GPM6A: variants seen among roughly 807,000 people sequenced by gnomAD.
GPM6A encodes glycoprotein M6A, also known as neuronal membrane glycoprotein M6-a.
GPM6A carries 7 observed loss-of-function variants against 32.1 expected under a neutral mutation model. That is an observed-to-expected ratio of 0.22 (90% CI 0.12 to 0.41). GPM6A has a LOEUF of 0.41. GPM6A is among the 10% of genes least tolerant of loss of function. GPM6A has a pLI of 1.00. For missense variants in GPM6A, 235 were observed against 347.2 expected, an observed-to-expected ratio of 0.68 and a Z score of 2.57; for synonymous variants, 130 against 123.4, an observed-to-expected ratio of 1.05 and a Z score of -0.35.
chr4:175,742,566 A>G (rs1257642923), intron 1 of GPM6A, among the ~76,000 whole-genome samples: 1 of 152,196 alleles, frequency 6.6e-6, no homozygotes, highest in Non-Finnish European at 1.5e-5. Flanking sequence ...ACAGAAGTAC[A>G]CATCAGAAAA....
chr4:175,977,356 CT>C (rs1740693259), intron 1 of GPM6A, among the ~76,000 whole-genome samples: 1 of 152,120 alleles, frequency 6.6e-6, no homozygotes, highest in African/African-American at 2.4e-5. Flanking sequence ...TGTCAGCATG[CT>C]GACAAATACT....
rs1301037690 is a variant in GPM6A, at chr4:175,810,192, G to A, written c.37+1999C>T. ...CAGTAATTTCACAGTTACAACCCAC[G>A]CACATATCGACAGAGCATTTCGATT... On this transcript the variant is annotated intron_variant, in intron 1 of 6. Coordinates refer to ENST00000393658, the MANE Select transcript of GPM6A (RefSeq NM_201591.3). 5.3e-5 allele frequency among the ~76,000 whole-genome samples: 8 copies of A among 152,138 alleles called. No individual in the cohort carries two copies. The South Asian group carries it at 6.2e-4, about 12-fold the overall frequency.
At chr4:175,821,865 C>T (rs1406750918) in intron 1 of GPM6A, among the ~76,000 whole-genome samples, 1 of 152,006 alleles carries the variant, frequency 6.6e-6, no homozygotes, top group Non-Finnish European at 1.5e-5. Flanking sequence ...TGTAGAAATT[C>T]ACATATTTGA....
intron 1 of GPM6A, among the ~76,000 whole-genome samples, chr4:175,870,583 A>T (rs1298922748): frequency 1.3e-5 from 2 of 152,204 alleles, no homozygotes; most frequent in Non-Finnish European, 2.9e-5. Flanking sequence ...ATGGACTGCT[A>T]TCTAGAACCC....
At chr4:175,667,930 T>C (rs1475687284) in intron 3 of GPM6A, among the ~76,000 whole-genome samples, 1 of 152,160 alleles carries the variant, frequency 6.6e-6, no homozygotes, top group Admixed American at 6.5e-5. Flanking sequence ...TTTATTTTAA[T>C]TGAATTTCAG....
intron 1 of GPM6A, among the ~76,000 whole-genome samples, chr4:175,955,961 C>A (rs1167244549): frequency 6.6e-6 from 1 of 152,136 alleles, no homozygotes; most frequent in Non-Finnish European, 1.5e-5. Flanking sequence ...AATAGTTACA[C>A]CTTGAAAATA....
intron 1 of GPM6A, among the ~76,000 whole-genome samples, chr4:175,791,642 T>A (rs1408566610): frequency 6.6e-6 from 1 of 152,150 alleles, no homozygotes; most frequent in African/African-American, 2.4e-5. Flanking sequence ...AATTTTCTCT[T>A]ACTTAATAGA....
At chr4:175,649,184 C>A (rs768331957) in intron 4 of GPM6A, among the ~76,000 whole-genome samples, 20 of 152,130 alleles carry the variant, frequency 1.3e-4, no homozygotes, top group Admixed American at 2.6e-4. Context: ...TCTTTTAGAC[C>A]AGACAGCTGG....
chr4:175,836,036 G>A (rs760615575), intron 1 of GPM6A, among the ~76,000 whole-genome samples: 4 of 152,034 alleles, frequency 2.6e-5, no homozygotes, highest in African/African-American at 4.8e-5. Flanking sequence ...ATAGGGGGCT[G>A]AGAAATGTGG....
chr4:175,894,633 C>T (rs1214302070), intron 1 of GPM6A, among the ~76,000 whole-genome samples: 2 of 152,186 alleles, frequency 1.3e-5, no homozygotes, highest in Non-Finnish European at 2.9e-5. Flanking sequence ...GTAACCTGCA[C>T]AAACAACAAG....
Position 175,932,928 on chromosome 4 carries a change from A to G in GPM6A, c.-23+69381T>C, listed in dbSNP as rs1739098257. ...TAAAGAAAAAATAGATGAGACCTAC[A>G]TGAAATAAACAAGAGGGAGGACTTA... On this transcript the variant is annotated intron_variant, in intron 1 of 7. Coordinates refer to the GPM6A transcript ENST00000280187. Among the ~76,000 whole-genome samples, 4 of 152,164 alleles carry G rather than the reference A, an allele frequency of 2.6e-5. No individual in the cohort carries two copies. The South Asian group carries it at 6.2e-4, about 24-fold the overall frequency.
At chr4:175,822,651 C>CTTTT (rs11446115) in intron 1 of GPM6A, among the ~76,000 whole-genome samples, 2 of 148,106 alleles carry the variant, frequency 1.4e-5, no homozygotes, top group Non-Finnish European at 3.0e-5. Flanking sequence ...TCTTTTCATG[C>CTTTT]TTTTTTTTTT....
intron 1 of GPM6A, among the ~76,000 whole-genome samples, chr4:175,873,667 T>C (rs962812188): frequency 9.9e-5 from 15 of 152,154 alleles, no homozygotes; most frequent in Non-Finnish European, 2.1e-4. Flanking sequence ...AAAACTTTGT[T>C]CTCCCATTAT....
At chr4:175,683,834 ACTT>A (rs1743819491) in intron 2 of GPM6A, among the ~76,000 whole-genome samples, 1 of 150,758 alleles carries the variant, frequency 6.6e-6, no homozygotes, top group African/African-American at 2.4e-5. Context: ...ATATACATAT[ACTT>A]TTTTTTTTTT....
rs374481626 is a variant in GPM6A at position 175,658,246 on chromosome 4, A to G, written c.388-6259T>C. ...GGTATATTAATCAGCACTAAAAAGA[A>G]ATGAGCTATCAAGCTATGAAAAGAC... On this transcript the variant is annotated intron_variant, in intron 3 of 6. Transcript: ENST00000393658. Among the ~76,000 whole-genome samples the G allele has an allele frequency of 2.3e-4, 35 of 152,274 alleles. 2 individuals are homozygous for G. The East Asian group carries it at 2.3e-3, about 10-fold the overall frequency.
At chr4:175,936,178 C>T (rs1490872973) in intron 1 of GPM6A, among the ~76,000 whole-genome samples, 7 of 150,398 alleles carry the variant, frequency 4.7e-5, no homozygotes, top group Non-Finnish European at 5.9e-5. Context: ...TGGTGGCGGG[C>T]GCCTGTAGTT....
chr4:176,001,036 C>CTG (rs1433320954), intron 1 of GPM6A, among the ~76,000 whole-genome samples: 2 of 152,176 alleles, frequency 1.3e-5, no homozygotes, highest in Non-Finnish European at 2.9e-5. Context: ...CTATGAAAGT[C>CTG]TTGATCACAG....
intron 1 of GPM6A, among the ~76,000 whole-genome samples, chr4:175,914,235 T>C (rs946790910): frequency 6.6e-6 from 1 of 152,218 alleles, no homozygotes; most frequent in African/African-American, 2.4e-5. Flanking sequence ...CACTTAATCC[T>C]GAATCCACAT....
intron 1 of GPM6A, among the ~76,000 whole-genome samples, chr4:175,857,326 A>G (rs1056587634): frequency 3.3e-5 from 5 of 152,210 alleles, no homozygotes; most frequent in African/African-American, 1.2e-4. Context: ...GAGAGGAGAG[A>G]AATGAAGCAA....
Sources: gnomAD v4.1 joint callset for allele counts (sites outside exome capture counted in the v4.1 genomes callset) on GRCh38, gnomAD v4.1.1 for gene constraint, MANE v1.5 for transcripts, NCBI Gene and HGNC (gene_info 2026-07-23, HGNC 2026-07-21) for gene names.